Variants in PPP2R2B observed in about 807,000 individuals in gnomAD.
PPP2R2B encodes serine/threonine-protein phosphatase 2A 55 kDa regulatory subunit B beta isoform.
Under a neutral mutation model 46.0 loss-of-function variants are expected in PPP2R2B, and 5 were observed. The ratio of observed to expected loss-of-function variants is 0.11; its 90% CI spans 0.06 to 0.23. The LOEUF is 0.23. Ranked by LOEUF, PPP2R2B falls within the 10% of genes least tolerant of loss-of-function variation. The pLI is 1.00. For missense variants in PPP2R2B, 367 were observed against 575.0 expected (o/e 0.64, Z 3.70); for synonymous variants, 215 against 206.7 (o/e 1.04, Z -0.34).
intron 1 of PPP2R2B, among the ~76,000 whole-genome samples, chr5:146,901,350 GA>G (rs1561506238): frequency 6.6e-6 from 1 of 151,938 alleles, no homozygotes; most frequent in African/African-American, 2.4e-5. Context: ...AAATTAAAAA[GA>G]AAAATTAGCC....
upstream of PPP2R2B, among the ~76,000 whole-genome samples, chr5:146,879,981 C>T (rs1013420663): frequency 2.8e-4 from 43 of 152,288 alleles, no homozygotes; most frequent in African/African-American, 6.5e-4. Context: ...TACAATGCTT[C>T]GGCTAACACA....
chr5:146,971,805 C>CT (rs371550575), intron 1 of PPP2R2B, among the ~76,000 whole-genome samples: 7 of 152,192 alleles, frequency 4.6e-5, no homozygotes, highest in Admixed American at 6.5e-5. Context: ...CTTTAACATA[C>CT]TTTTTTTATT....
At chr5:146,857,554 T>G (rs1028630711) in intron 2 of PPP2R2B, among the ~76,000 whole-genome samples, 2 of 152,214 alleles carry the variant, frequency 1.3e-5, no homozygotes, top group African/African-American at 4.8e-5. Flanking sequence ...TTAAAAGAGA[T>G]AAAATCACCA....
At position 147,062,334 on chromosome 5, in the gene PPP2R2B, G is replaced by A. The variant is rs181811218; in HGVS notation, c.50+18725C>T. Among the ~76,000 whole-genome samples, 5 of 152,246 alleles carry A rather than the reference G, an allele frequency of 3.3e-5. No individual in the cohort carries two copies. The East Asian group carries it at 9.7e-4, about 29-fold the overall frequency. On this transcript the variant is annotated intron_variant, in intron 2 of 10. Coordinates refer to the PPP2R2B transcript ENST00000394413. ...TCTCAGAATGTTTCCCCATCATCAA[G>A]TGATGCATGACGGTAGTAGTAATAA...
intron 1 of PPP2R2B, among the ~76,000 whole-genome samples, chr5:147,000,122 C>G (rs1379164481): frequency 6.6e-6 from 1 of 152,202 alleles, no homozygotes; most frequent in East Asian, 1.9e-4. Flanking sequence ...TTTAAGATAA[C>G]AATCCTGTTT....
At chr5:146,750,577 C>A (rs984656744) in intron 2 of PPP2R2B, among the ~76,000 whole-genome samples, 15 of 152,048 alleles carry the variant, frequency 9.9e-5, no homozygotes, top group Non-Finnish European at 1.9e-4. Context: ...AAAACAATAA[C>A]TCAATCAGAT....
intron 1 of PPP2R2B, among the ~76,000 whole-genome samples, chr5:146,970,457 G>A (rs374123725): frequency 1.3e-5 from 2 of 152,062 alleles, no homozygotes; most frequent in African/African-American, 2.4e-5. Flanking sequence ...TTAGCCATGC[G>A]TGGTGGCGGG....
chr5:146,894,792 C>T (rs1762595221), intron 1 of PPP2R2B, among the ~76,000 whole-genome samples: 1 of 152,142 alleles, frequency 6.6e-6, no homozygotes, highest in African/African-American at 2.4e-5. Flanking sequence ...TCTCTTCATT[C>T]TCCTCCTCAC....
At chr5:147,010,645 G>A (rs1164511859) in intron 1 of PPP2R2B, among the ~76,000 whole-genome samples, 1 of 152,118 alleles carries the variant, frequency 6.6e-6, no homozygotes, top group African/African-American at 2.4e-5. Flanking sequence ...AAGTGATGGG[G>A]TACAACTGTA....
In PPP2R2B at chr5:146,831,588, C is replaced by T. The variant is rs1758944745; in HGVS notation, c.70+46414G>A. Among the ~76,000 whole-genome samples the T allele has an allele frequency of 3.4e-5, 5 of 149,112 alleles. No individual in the cohort carries two copies. In the South Asian group the frequency reaches 1.1e-3, roughly 32 times the overall value. ...CATTTACCTATGTAACAAACCTGCA[C>T]ATCCTGCACATGTACCTCGGAACTT... On this transcript the variant is annotated intron_variant, in intron 2 of 9. Transcript: ENST00000394411.
chr5:146,790,636 C>T (rs191545571), intron 2 of PPP2R2B, among the ~76,000 whole-genome samples: 40 of 152,306 alleles, frequency 2.6e-4, no homozygotes, highest in Admixed American at 2.5e-3. Flanking sequence ...CACCTCTGAG[C>T]ACACCTGCAC....
intron 2 of PPP2R2B, among the ~76,000 whole-genome samples, chr5:146,702,672 G>A (rs2151169362): frequency 6.6e-6 from 1 of 152,268 alleles, no homozygotes; most frequent in Middle Eastern, 3.4e-3. Flanking sequence ...TTATACATTG[G>A]CAAGTATTTT....
intron 2 of PPP2R2B, among the ~76,000 whole-genome samples, chr5:146,824,101 C>T (rs1439725700): frequency 1.3e-5 from 2 of 152,218 alleles, no homozygotes; most frequent in African/African-American, 4.8e-5. Context: ...TCAGATGTCA[C>T]AGGAAGCTAC....
At chr5:146,973,817 G>A (rs1232123839) in intron 1 of PPP2R2B, among the ~76,000 whole-genome samples, 2 of 152,176 alleles carry the variant, frequency 1.3e-5, no homozygotes, top group African/African-American at 4.8e-5. Context: ...TGTTCTTGGA[G>A]AGGACAGTTC....
At chr5:146,952,097 A>T (rs923972150) in intron 1 of PPP2R2B, among the ~76,000 whole-genome samples, 1 of 151,964 alleles carries the variant, frequency 6.6e-6, no homozygotes, top group Admixed American at 6.6e-5. Flanking sequence ...CTACAAATAA[A>T]ATTCTACGTA....
chr5:146,851,938 T>C (rs1760373973), intron 2 of PPP2R2B, among the ~76,000 whole-genome samples: 1 of 152,132 alleles, frequency 6.6e-6, no homozygotes, highest in Non-Finnish European at 1.5e-5. Context: ...TGATAATCAT[T>C]AAAATCCTTG....
Position 146,681,572 on chromosome 5 carries a change from A to G in PPP2R2B, c.447+9556T>C, listed in dbSNP as rs574235865. Among the ~76,000 whole-genome samples the G allele has an allele frequency of 7.2e-5, 11 of 152,316 alleles. 1 individual carries two copies. Among genetic ancestry groups the G allele is most frequent in the African/African-American group, 2.6e-4 (11 of 41,580 alleles). On this transcript the variant is annotated intron_variant, in intron 5 of 9. Coordinates refer to ENST00000394411, the MANE Select transcript of PPP2R2B (RefSeq NM_181675.4). ...GAAAATAAAAGTATTCTCTCCTTCAATCATCCAATTATCCTTGATTTTTCA... is the reference window on the plus strand; with the variant it reads ...GAAAATAAAAGTATTCTCTCCTTCAGTCATCCAATTATCCTTGATTTTTCA...
At chr5:147,026,189 GTTTA>G (rs1561584657) in intron 1 of PPP2R2B, among the ~76,000 whole-genome samples, 1 of 152,092 alleles carries the variant, frequency 6.6e-6, no homozygotes, top group African/African-American at 2.4e-5. Context: ...TTCATAGCAA[GTTTA>G]TTTATATAAT....
At position 146,814,883 on chromosome 5, in the gene PPP2R2B, A is replaced by G. The variant is rs185111705; in HGVS notation, c.70+63119T>C. Among the ~76,000 whole-genome samples, 346 of 152,266 alleles carry G rather than the reference A, an allele frequency of 2.3e-3. 1 individual carries two copies. The South Asian group carries it at 0.032, about 14-fold the overall frequency. The stretch of plus-strand genomic sequence containing the variant: ...GTCTGCTTGGCCCTCTTCCAAGTGC[A>G]CTTTCCTTCCTTTCACCCCTGCCTT... On this transcript the variant is annotated intron_variant, in intron 2 of 9. Transcript: ENST00000394411.
Sources: allele counts gnomAD v4.1 joint callset (sites outside exome capture counted in the v4.1 genomes callset), GRCh38; gene constraint gnomAD v4.1.1; transcripts MANE v1.5; gene names NCBI Gene and HGNC (gene_info 2026-07-23, HGNC 2026-07-21).